PALD1: variants seen among roughly 807,000 people sequenced by gnomAD.
PALD1 encodes phosphatase domain containing paladin 1, also known as paladin.
In PALD1, 57 loss-of-function variants were observed where a neutral mutation model predicts 96.0. That is an observed-to-expected ratio of 0.59 (90% CI 0.48 to 0.74). The LOEUF (loss-of-function observed/expected upper bound fraction) is 0.74, where lower values mean the gene tolerates loss of function less well. Ranked by LOEUF, PALD1 falls within the 30% of genes least tolerant of loss-of-function variation. PALD1 has a pLI of 0.00. For synonymous variants in PALD1, 464 were observed against 473.6 expected, an observed-to-expected ratio of 0.98 and a Z score of 0.26; for missense variants, 1,063 against 1,143.7, an observed-to-expected ratio of 0.93 and a Z score of 1.02.
At chr10:70,534,891 G>GCC (rs1171429611) in intron 10 of PALD1, 48 bp downstream of exon 10, 3 of 1,254,340 alleles carry the variant, frequency 2.4e-6, no homozygotes, top group African/African-American at 2.9e-5. Flanking sequence ...TGTGAGCCCT[G>GCC]CAGCCTGATT....
the PALD1 span, among the ~76,000 whole-genome samples, chr10:70,463,278 C>T: frequency 6.6e-6 from 1 of 152,142 alleles, no homozygotes; most frequent in African/African-American, 2.4e-5. Context: ...GTGGCAGGTG[C>T]CTGTAGTCCC....
intron 1 of PALD1, among the ~76,000 whole-genome samples, chr10:70,502,962 C>T (rs984779925): frequency 6.6e-6 from 1 of 152,124 alleles, no homozygotes; most frequent in Non-Finnish European, 1.5e-5. Flanking sequence ...CTCACTGCAT[C>T]ATCTACCTCC....
intron 18 of PALD1, among the ~76,000 whole-genome samples, chr10:70,553,591 C>CTG (rs1847526754): frequency 6.6e-6 from 1 of 152,228 alleles, no homozygotes; most frequent in Non-Finnish European, 1.5e-5. Flanking sequence ...CTCACTTTGC[C>CTG]TGTGTGTGAT....
At chr10:70,503,123 G>T (rs182415841) in intron 1 of PALD1, among the ~76,000 whole-genome samples, 2 of 152,074 alleles carry the variant, frequency 1.3e-5, no homozygotes, top group Admixed American at 1.3e-4. Flanking sequence ...CACGTGATCT[G>T]CCTGCCTCGG....
chr10:70,565,665 G>T (rs1564715317), intron 19 of PALD1, among the ~76,000 whole-genome samples: 1 of 152,152 alleles, frequency 6.6e-6, no homozygotes, highest in Non-Finnish European at 1.5e-5. Context: ...CATTTGAAAT[G>T]CCCCCGGTGC....
chr10:70,530,344 G>T (rs980387560), intron 4 of PALD1, among the ~76,000 whole-genome samples: 3 of 152,220 alleles, frequency 2.0e-5, no homozygotes, highest in African/African-American at 7.2e-5. Context: ...AGCAGGGGGC[G>T]TGACCGGGTG....
intron 18 of PALD1, among the ~76,000 whole-genome samples, chr10:70,561,062 C>G (rs1847729222): frequency 1.3e-5 from 2 of 152,152 alleles, no homozygotes; most frequent in South Asian, 4.1e-4. Context: ...CAGGCGTCAC[C>G]TGTACACAGT....
intron 18 of PALD1, among the ~76,000 whole-genome samples, chr10:70,554,778 A>G (rs1847558672): frequency 6.6e-6 from 1 of 151,860 alleles, no homozygotes; most frequent in African/African-American, 2.4e-5. Flanking sequence ...TCCTTTCAGA[A>G]GAGTTTGAAG....
At chr10:70,541,942 A>G (rs955189859) in intron 17 of PALD1, among the ~76,000 whole-genome samples, 5 of 152,212 alleles carry the variant, frequency 3.3e-5, no homozygotes, top group Middle Eastern at 3.2e-3. Context: ...AGATTAGGGC[A>G]CTGGATGGCC....
At chr10:70,486,099 G>C (rs141692967) in intron 1 of PALD1, 1 of 223,656 alleles carries the variant, frequency 4.5e-6, no homozygotes, top group East Asian at 1.1e-4. Flanking sequence ...TTACTGCCAG[G>C]TATTCCTCCA....
chr10:70,520,685 CTTTTTTTTT>C (rs10545684), intron 1 of PALD1, among the ~76,000 whole-genome samples: 25 of 87,684 alleles, frequency 2.9e-4, no homozygotes, highest in East Asian at 4.2e-4. Flanking sequence ...TTCTTTCTTT[CTTTTTTTTT>C]TTTTTTTTTT....
Position 70,479,736 on chromosome 10 carries a change from A to G in PALD1, c.-30+677A>G, listed in dbSNP as rs191406362. Among the ~76,000 whole-genome samples, 11 of 152,322 alleles carry G rather than the reference A, an allele frequency of 7.2e-5. No individual in the cohort carries two copies. In the South Asian group the frequency reaches 8.3e-4, roughly 11 times the overall value. On this transcript the variant is annotated intron_variant, in intron 1 of 19. Coordinates refer to ENST00000263563, the MANE Select transcript of PALD1 (RefSeq NM_014431.3). ...TCATGGCCCAGGGAATCTTCTGGGC[A>G]TCTCTACTCTCCCAGCCAGAGGCCC...
At chr10:70,468,186 G>C in the PALD1 span, among the ~76,000 whole-genome samples, 1 of 152,146 alleles carries the variant, frequency 6.6e-6, no homozygotes, top group Admixed American at 6.5e-5. Context: ...TGGCCCCTGG[G>C]CTTCCCTCTG....
chr10:70,477,387 C>T (rs1845842766), upstream of PALD1, among the ~76,000 whole-genome samples: 2 of 152,210 alleles, frequency 1.3e-5, no homozygotes, highest in Admixed American at 6.5e-5. Flanking sequence ...ACCACACAGC[C>T]AGTAAATTGT....
At chr10:70,491,396 C>T (rs1298459900) in intron 1 of PALD1, among the ~76,000 whole-genome samples, 1 of 149,646 alleles carries the variant, frequency 6.7e-6, no homozygotes, top group Admixed American at 6.8e-5. Context: ...TATGGGGTGG[C>T]TCTGTTCTCC....
In PALD1 at chr10:70,529,347, AC is replaced by A; in HGVS notation, c.288+19del. The A allele has an allele frequency of 1.5e-6, 2 of 1,369,458 alleles. No individual in the cohort carries two copies. Among genetic ancestry groups the A allele is most frequent in the Non-Finnish European group, 2.1e-6 (2 of 968,416 alleles). The allele number at this position is 1,369,458 out of a possible 1,614,324, so 84.8% of individuals were successfully genotyped here. Reference sequence around the variant, plus strand: ...CCTGGTGCAAGTGAGCTCAGGCCTTACCCTGCCAGCCCGCCTGCTGCCTCCC... The same window carrying A: ...CCTGGTGCAAGTGAGCTCAGGCCTTACCTGCCAGCCCGCCTGCTGCCTCCC... On this transcript the variant is annotated intron_variant, in intron 3 of 19. Coordinates refer to ENST00000263563, the MANE Select transcript of PALD1 (RefSeq NM_014431.3).
chr10:70,549,376 C>T (rs999761328), intron 18 of PALD1, among the ~76,000 whole-genome samples: 16 of 152,262 alleles, frequency 1.1e-4, no homozygotes, highest in African/African-American at 3.9e-4. Context: ...CCATCCCATG[C>T]TGGCCAGGCT....
chr10:70,530,105 C>T, intron 4 of PALD1, 37 bp downstream of exon 4: 2 of 1,478,332 alleles, frequency 1.4e-6, no homozygotes, highest in Non-Finnish European at 1.8e-6. Context: ...GCCAGGTCCC[C>T]AAAGCCAGGG....
the PALD1 span, among the ~76,000 whole-genome samples, chr10:70,471,329 G>A: frequency 6.6e-6 from 1 of 152,180 alleles, no homozygotes; most frequent in African/African-American, 2.4e-5. Flanking sequence ...ACATTTGTGT[G>A]TGTGCATCTG....
Sources: gnomAD v4.1 joint callset for allele counts (sites outside exome capture counted in the v4.1 genomes callset) on GRCh38, gnomAD v4.1.1 for gene constraint, MANE v1.5 for transcripts, NCBI Gene and HGNC (gene_info 2026-07-23, HGNC 2026-07-21) for gene names.